The following TGFBR2 variants were observed in gnomAD, a reference collection of about 807,000 sequenced individuals.
The protein encoded by TGFBR2 is transforming growth factor beta receptor 2.
Under a neutral mutation model 49.0 loss-of-function variants are expected in TGFBR2, and 18 were observed. The observed-to-expected ratio is 0.37, with a 90% CI of 0.25 to 0.54. The LOEUF (loss-of-function observed/expected upper bound fraction) is 0.54, where lower values mean the gene tolerates loss of function less well. TGFBR2 is among the 20% of genes least tolerant of loss of function. The probability of loss-of-function intolerance (pLI) is 0.85; values close to 1 mark genes in which losing one functional copy is unlikely to be tolerated. For missense variants in TGFBR2, 525 were observed against 722.6 expected (o/e 0.73, Z 3.13); for synonymous variants, 282 against 275.9 (o/e 1.02, Z -0.22).
chr3:30,610,606 A>G (rs564804408), intron 1 of TGFBR2, among the ~76,000 whole-genome samples: 1 of 152,308 alleles, frequency 6.6e-6, no homozygotes, highest in South Asian at 2.1e-4. Context: ...CCCACTTGCC[A>G]TGTACTGGCT....
chr3:30,678,565 A>AAAAAAAAG (rs1559469322), intron 5 of TGFBR2, among the ~76,000 whole-genome samples: 2 of 150,364 alleles, frequency 1.3e-5, no homozygotes, highest in African/African-American at 4.9e-5. Flanking sequence ...AAAAAAAAAA[A>AAAAAAAAG]AAAGAGGTAT....
At chr3:30,616,933 T>C (rs1359433800) in intron 1 of TGFBR2, among the ~76,000 whole-genome samples, 2 of 152,186 alleles carry the variant, frequency 1.3e-5, no homozygotes, top group African/African-American at 4.8e-5. Flanking sequence ...GTAATATTAT[T>C]CCTCTTTGGT....
At chr3:30,649,152 T>C (rs1003661437) in intron 2 of TGFBR2, among the ~76,000 whole-genome samples, 2 of 152,118 alleles carry the variant, frequency 1.3e-5, no homozygotes, top group Non-Finnish European at 2.9e-5. Flanking sequence ...TGGACCAGAT[T>C]AGCCCTTCCT....
chr3:30,618,728 G>A (rs1698176226), intron 1 of TGFBR2, among the ~76,000 whole-genome samples: 1 of 152,148 alleles, frequency 6.6e-6, no homozygotes, highest in Non-Finnish European at 1.5e-5. Flanking sequence ...TCGATGACAG[G>A]TTTTCAGGAA....
intron 3 of TGFBR2, among the ~76,000 whole-genome samples, chr3:30,657,927 G>T (rs1191765759): frequency 4.6e-5 from 7 of 152,190 alleles, no homozygotes; most frequent in African/African-American, 1.7e-4. Flanking sequence ...TTTTAGAAAG[G>T]TGTTCTCCTC....
At position 30,674,263 on chromosome 3, in the gene TGFBR2, A is replaced by G; in HGVS notation, c.1396+17A>G. On this transcript the variant is annotated intron_variant, in intron 5 of 6. Transcript: ENST00000295754. ...CAGTGGGAGGTAGGTGTGGACCAGC[A>G]TCATTGTGTAGTGGTAAACTTGTCT... The G allele has an allele frequency of 1.2e-6, 2 of 1,613,988 alleles. No homozygotes were observed. Among genetic ancestry groups the G allele is most frequent in the East Asian group, 4.5e-5 (2 of 44,874 alleles).
rs1559445992 is a variant in TGFBR2, at chr3:30,613,392, G to A, written c.94+6415G>A. Among the ~76,000 whole-genome samples, 5 of 152,040 alleles carry A rather than the reference G, an allele frequency of 3.3e-5. No homozygotes were observed. The South Asian group carries it at 8.3e-4, about 25-fold the overall frequency. On this transcript the variant is annotated intron_variant, in intron 1 of 6. Transcript: ENST00000295754. ...GGAACCCACATTCGCTGTCCAGAAGGCCCTGAACTGGTATCTGCAGTTTGC... is the reference window on the plus strand; with the variant it reads ...GGAACCCACATTCGCTGTCCAGAAGACCCTGAACTGGTATCTGCAGTTTGC...
intron 1 of TGFBR2, among the ~76,000 whole-genome samples, chr3:30,627,644 C>T (rs1264873082): frequency 1.3e-5 from 2 of 151,680 alleles, no homozygotes; most frequent in Non-Finnish European, 2.9e-5. Flanking sequence ...ATATCTTATA[C>T]CTGGGCTGTG....
chr3:30,645,421 C>T (rs1698712465), intron 2 of TGFBR2, among the ~76,000 whole-genome samples: 1 of 151,670 alleles, frequency 6.6e-6, no homozygotes, highest in Non-Finnish European at 1.5e-5. Context: ...GTCAGAAATT[C>T]TGGTTATATT....
At position 30,623,594 on chromosome 3, in the gene TGFBR2, C is replaced by T. The variant is rs549006822; in HGVS notation, c.94+16617C>T. Among the ~76,000 whole-genome samples the T allele has an allele frequency of 7.2e-5, 11 of 152,254 alleles. No individual in the cohort carries two copies. The South Asian group carries it at 1.0e-3, about 14-fold the overall frequency. ...TGGGGACAGCTTCTCTTTAATACACCGTGTGGTCTGCCCTCTTGGAGGTTG... is the reference window on the plus strand; with the variant it reads ...TGGGGACAGCTTCTCTTTAATACACTGTGTGGTCTGCCCTCTTGGAGGTTG... On this transcript the variant is annotated intron_variant, in intron 1 of 6. Coordinates refer to ENST00000295754, the MANE Select transcript of TGFBR2 (RefSeq NM_003242.6).
intron 1 of TGFBR2, among the ~76,000 whole-genome samples, chr3:30,643,700 C>T (rs1698682477): frequency 6.6e-6 from 1 of 152,194 alleles, no homozygotes; most frequent in African/African-American, 2.4e-5. Flanking sequence ...GAAAGGTTCT[C>T]TTCCTGGCAC....
chr3:30,615,883 A>T (rs6770400), intron 1 of TGFBR2, among the ~76,000 whole-genome samples: 82,783 of 151,606 alleles, frequency 0.55, 23,890 homozygotes, highest in East Asian at 0.77. Context: ...TGCACCACCA[A>T]GACCGGCCAG....
chr3:30,629,170 A>G (rs781087031), intron 1 of TGFBR2, among the ~76,000 whole-genome samples: 1 of 152,194 alleles, frequency 6.6e-6, no homozygotes, highest in Non-Finnish European at 1.5e-5. Context: ...TATCCTGTCT[A>G]TTCCTGGCCA....
chr3:30,653,458 A>G (rs112972522), intron 3 of TGFBR2, among the ~76,000 whole-genome samples: 43 of 151,716 alleles, frequency 2.8e-4, no homozygotes, highest in African/African-American at 1.0e-3. Context: ...CACCATGTTG[A>G]TCAGGCTGGT....
intron 3 of TGFBR2, among the ~76,000 whole-genome samples, chr3:30,657,744 TCTC>T (rs951175526): frequency 6.6e-6 from 1 of 152,182 alleles, no homozygotes; most frequent in Non-Finnish European, 1.5e-5. Flanking sequence ...CGTCATGTAT[TCTC>T]CTCTTCCCTG....
intron 1 of TGFBR2, among the ~76,000 whole-genome samples, chr3:30,615,626 A>G (rs1336206721): frequency 2.0e-5 from 3 of 152,192 alleles, no homozygotes; most frequent in Non-Finnish European, 2.9e-5. Context: ...ACCAAAAAAT[A>G]TAGGAGAATT....
At position 30,683,625 on chromosome 3, in the gene TGFBR2, T is replaced by C. The variant is rs1699573079; in HGVS notation, c.1397-4759T>C. 2.0e-5 allele frequency among the ~76,000 whole-genome samples: 3 copies of C among 152,362 alleles called. No individual in the cohort carries two copies. The South Asian group carries it at 6.2e-4, about 32-fold the overall frequency. On this transcript the variant is annotated intron_variant, in intron 5 of 6. Coordinates refer to ENST00000295754, the MANE Select transcript of TGFBR2 (RefSeq NM_003242.6). ...TTACATTTCTTTATACATATTTGTT[T>C]AGTCATTTCATAGTTTTAATCACAT... is the stretch of plus-strand genomic sequence containing the variant.
rs1326983886 is a variant in TGFBR2 at position 30,643,859 on chromosome 3, A to G, written c.95-888A>G. Among the ~76,000 whole-genome samples, 5 of 152,232 alleles carry G rather than the reference A, an allele frequency of 3.3e-5. No homozygotes were observed. The East Asian group carries it at 9.6e-4, about 29-fold the overall frequency. On this transcript the variant is annotated intron_variant, in intron 1 of 6. Transcript: ENST00000295754. Reference sequence around the variant, plus strand: ...TAGGATGAAGAGGTGGCATTTGATCAGAGATCAGAAAAGTGACAGGAAGCT... The same window carrying G: ...TAGGATGAAGAGGTGGCATTTGATCGGAGATCAGAAAAGTGACAGGAAGCT...
chr3:30,627,413 T>A (rs1575135822), intron 1 of TGFBR2, among the ~76,000 whole-genome samples: 1 of 152,074 alleles, frequency 6.6e-6, no homozygotes, highest in African/African-American at 2.4e-5. Context: ...AATGCCATTT[T>A]AATGTACTTG....
Sources: gnomAD v4.1 joint callset for allele counts (sites outside exome capture counted in the v4.1 genomes callset) on GRCh38, gnomAD v4.1.1 for gene constraint, MANE v1.5 for transcripts, NCBI Gene and HGNC (gene_info 2026-07-23, HGNC 2026-07-21) for gene names.